NALF1: variants seen among roughly 807,000 people sequenced by gnomAD.
NALF1 encodes the protein family with sequence similarity 155 member A.
A neutral mutation model predicts 48.4 loss-of-function variants in NALF1; 3 were observed. The ratio of observed to expected loss-of-function variants is 0.06; its 90% CI spans 0.03 to 0.16. The LOEUF (loss-of-function observed/expected upper bound fraction) is 0.16, where lower values mean the gene tolerates loss of function less well. NALF1 is among the 10% of genes least tolerant of loss of function. NALF1 has a pLI of 1.00. For missense variants in NALF1, 526 were observed against 571.5 expected, an observed-to-expected ratio of 0.92 and a Z score of 0.81; for synonymous variants, 262 against 245.7, an observed-to-expected ratio of 1.07 and a Z score of -0.62.
At chr13:107,483,693 G>A (rs1006525750) in intron 1 of NALF1, among the ~76,000 whole-genome samples, 1 of 151,992 alleles carries the variant, frequency 6.6e-6, no homozygotes, top group Non-Finnish European at 1.5e-5. Context: ...TTTACAGAGA[G>A]AGGAATCAGA....
chr13:107,405,065 A>G (rs1301884583), intron 1 of NALF1, among the ~76,000 whole-genome samples: 1 of 152,102 alleles, frequency 6.6e-6, no homozygotes, highest in East Asian at 1.9e-4. Flanking sequence ...GGATCTGTGC[A>G]CTTTATAATA....
chr13:107,271,402 C>T (rs1881161580), intron 1 of NALF1, among the ~76,000 whole-genome samples: 1 of 152,078 alleles, frequency 6.6e-6, no homozygotes, highest in Non-Finnish European at 1.5e-5. Context: ...TGTGGGAGGC[C>T]TCTGCAAACT....
intron 1 of NALF1, among the ~76,000 whole-genome samples, chr13:107,369,864 A>G (rs1186970884): frequency 6.6e-6 from 1 of 152,196 alleles, no homozygotes; most frequent in Non-Finnish European, 1.5e-5. Context: ...TTTGAGGCCA[A>G]TGTAAGATGA....
intron 1 of NALF1, among the ~76,000 whole-genome samples, chr13:107,706,915 A>ATTTTTTTTT (rs1294681174): frequency 1.0e-5 from 1 of 97,818 alleles, no homozygotes; most frequent in African/African-American, 4.0e-5. Flanking sequence ...AATCAAGGGC[A>ATTTTTTTTT]TTCTTTTTTT....
At chr13:107,289,284 A>C (rs1254861828) in intron 1 of NALF1, among the ~76,000 whole-genome samples, 2 of 152,166 alleles carry the variant, frequency 1.3e-5, no homozygotes, top group Non-Finnish European at 2.9e-5. Context: ...TTGTATATTT[A>C]CACATGCCTT....
At chr13:107,286,677 A>G (rs1047107308) in intron 1 of NALF1, among the ~76,000 whole-genome samples, 6 of 152,160 alleles carry the variant, frequency 3.9e-5, no homozygotes, top group African/African-American at 1.4e-4. Flanking sequence ...AAATTGTGAT[A>G]TATACATACA....
intron 1 of NALF1, among the ~76,000 whole-genome samples, chr13:107,792,405 A>T (rs1878276777): frequency 6.6e-6 from 1 of 152,152 alleles, no homozygotes; most frequent in Non-Finnish European, 1.5e-5. Flanking sequence ...ACTCAGCAAT[A>T]CTCACAAGAT....
chr13:107,347,127 C>T (rs189602734), intron 1 of NALF1, among the ~76,000 whole-genome samples: 27 of 152,210 alleles, frequency 1.8e-4, no homozygotes, highest in African/African-American at 5.3e-4. Flanking sequence ...TTTAATGGAG[C>T]AAGGTACCCA....
rs1647326279 is a variant in NALF1 at position 107,167,654 on chromosome 13, G to T, written c.*2843C>A. On this transcript the variant is annotated 3_prime_UTR_variant, in exon 3 of 3. Coordinates refer to ENST00000375915, the MANE Select transcript of NALF1 (RefSeq NM_001080396.3). ...GCTGGCTGACTTGATGGGGAGAAAG[G>T]ACTCATTCCCCTTCCCTCCTTACCG... 2 of 152,088 alleles carry T rather than the reference G, an allele frequency of 1.3e-5. No individual in the cohort carries two copies. The highest frequency in any genetic ancestry group is 4.8e-5 in the African/African-American group (2 of 41,396). 9.4% of individuals were successfully genotyped at this position (152,088 alleles called of 1,614,324 possible).
At chr13:107,475,906 T>C (rs1885170677) in intron 1 of NALF1, among the ~76,000 whole-genome samples, 1 of 152,098 alleles carries the variant, frequency 6.6e-6, no homozygotes, top group South Asian at 2.1e-4. Context: ...CCCTCTTTTT[T>C]TCCCCATGGA....
intron 1 of NALF1, among the ~76,000 whole-genome samples, chr13:107,334,916 T>C (rs906181408): frequency 6.6e-6 from 1 of 152,094 alleles, no homozygotes; most frequent in African/African-American, 2.4e-5. Flanking sequence ...CAGGAAGAAT[T>C]TGGGATAGAG....
intron 1 of NALF1, among the ~76,000 whole-genome samples, chr13:107,258,158 G>T (rs1880858364): frequency 6.6e-6 from 1 of 152,236 alleles, no homozygotes; most frequent in African/African-American, 2.4e-5. Context: ...AGCAAATTTT[G>T]TTCTGACCTT....
chr13:107,675,712 A>G (rs902204067), intron 1 of NALF1, among the ~76,000 whole-genome samples: 1 of 152,168 alleles, frequency 6.6e-6, no homozygotes, highest in Non-Finnish European at 1.5e-5. Context: ...TCTATCACCA[A>G]CGTTTTAAAT....
intron 2 of NALF1, among the ~76,000 whole-genome samples, chr13:107,192,564 G>C (rs1176176550): frequency 6.6e-6 from 1 of 152,118 alleles, no homozygotes; most frequent in Non-Finnish European, 1.5e-5. Context: ...GAGTAAACAA[G>C]CTAGCTAGCT....
At chr13:107,566,800 G>T (rs1042786893) in intron 1 of NALF1, among the ~76,000 whole-genome samples, 1 of 152,146 alleles carries the variant, frequency 6.6e-6, no homozygotes, top group African/African-American at 2.4e-5. Context: ...GAACAGAGTG[G>T]ATTTGACATT....
chr13:107,563,762 G>A (rs1186101485), intron 1 of NALF1, among the ~76,000 whole-genome samples: 1 of 152,202 alleles, frequency 6.6e-6, no homozygotes, highest in Non-Finnish European at 1.5e-5. Flanking sequence ...CAGCTGTTAT[G>A]TAATTTTGTT....
At chr13:107,523,060 G>T (rs1167254480) in intron 1 of NALF1, among the ~76,000 whole-genome samples, 1 of 152,132 alleles carries the variant, frequency 6.6e-6, no homozygotes, top group Non-Finnish European at 1.5e-5. Context: ...GTTACTATAT[G>T]AATGGATAAA....
At chr13:107,265,552 A>C (rs143370541) in intron 1 of NALF1, among the ~76,000 whole-genome samples, 22 of 152,018 alleles carry the variant, frequency 1.4e-4, no homozygotes, top group African/African-American at 5.1e-4. Context: ...CCCTACAGGC[A>C]TGCATCACCA....
At chr13:107,386,292 A>AC (rs1168877255) in intron 1 of NALF1, among the ~76,000 whole-genome samples, 1 of 151,870 alleles carries the variant, frequency 6.6e-6, no homozygotes, top group Non-Finnish European at 1.5e-5. Flanking sequence ...AGGCAACCCC[A>AC]CCCCCTCTTG....
Sources: allele counts gnomAD v4.1 joint callset (sites outside exome capture counted in the v4.1 genomes callset), GRCh38; gene constraint gnomAD v4.1.1; transcripts MANE v1.5; gene names NCBI Gene and HGNC (gene_info 2026-07-23, HGNC 2026-07-21).